PHIP: variants seen among roughly 807,000 people sequenced by gnomAD.
PHIP encodes the protein PHIP subunit of CUL4-Ring ligase complex.
Under a neutral mutation model 236.8 loss-of-function variants are expected in PHIP, and 54 were observed. That is an observed-to-expected ratio of 0.23 (90% CI 0.18 to 0.29). The LOEUF (loss-of-function observed/expected upper bound fraction) is 0.29, where lower values mean the gene tolerates loss of function less well. Among genes scored for constraint, PHIP ranks in the 10% least tolerant of loss-of-function variants. The pLI is 1.00. For synonymous variants in PHIP, 756 were observed against 718.9 expected (o/e 1.05, Z -0.83); for missense variants, 1,370 against 2,190.8 (o/e 0.63, Z 7.48).
At chr6:79,076,573 C>T (rs901987801) in intron 4 of PHIP, among the ~76,000 whole-genome samples, 2 of 152,150 alleles carry the variant, frequency 1.3e-5, no homozygotes, top group African/African-American at 2.4e-5. Context: ...TCCTAAAATA[C>T]TCATTTTGAC....
At chr6:78,958,866 G>A (rs1442323081) in intron 31 of PHIP, among the ~76,000 whole-genome samples, 2 of 152,046 alleles carry the variant, frequency 1.3e-5, no homozygotes, top group Admixed American at 6.6e-5. Flanking sequence ...GAGGGAGAAC[G>A]TCTATATGGG....
rs749769774 is a variant in PHIP at position 78,985,422 on chromosome 6, C to T, written c.2467G>A (p.Glu823Lys). Residue 823 changes from glutamate (E) to lysine (K), a missense_variant, in exon 22 of 40, where the codon GAA becomes AAA. By Grantham distance (56) the Glu-to-Lys change is moderately conservative. This residue lies in a region of PHIP where 99 missense variants were observed against 110.0 expected (regional missense o/e 0.90). Transcript: ENST00000275034. Reference protein sequence around the residue: ...ENGSSSSDEGEVVAVSGGTSE... With the variant: ...ENGSSSSDEGKVVAVSGGTSE... Reference sequence around the variant, plus strand: ...GTTCCACCACTGACAGCAACTACTTCGCCTTCCTAAGATATGTTGAATACA... The same window carrying T: ...GTTCCACCACTGACAGCAACTACTTTGCCTTCCTAAGATATGTTGAATACA... 1.1e-5 allele frequency: 18 copies of T among 1,569,126 alleles called. No individual in the cohort carries two copies. The highest frequency in any genetic ancestry group is 2.2e-5 in the East Asian group (1 of 44,694).
intron 16 of PHIP, among the ~76,000 whole-genome samples, chr6:79,002,330 G>A (rs993779036): frequency 6.6e-6 from 1 of 152,026 alleles, no homozygotes; most frequent in Admixed American, 6.6e-5. Context: ...AAAAGTAGCT[G>A]CTTTAAATTT....
At chr6:79,077,579 C>T (rs1209607130) in intron 3 of PHIP, 72 bp from the exon 4 acceptor site, 118 of 970,962 alleles carry the variant, frequency 1.2e-4, no homozygotes, top group Non-Finnish European at 1.3e-4. Context: ...CCGCCCGCCC[C>T]GCGCCCCGGC....
chr6:78,962,988 C>T, intron 30 of PHIP, 109 bp downstream of exon 30: 1 of 843,454 alleles, frequency 1.2e-6, no homozygotes. Flanking sequence ...TGTCTGAAAC[C>T]ACTGACTTAG....
At chr6:78,982,647 T>C (rs570606369) in intron 23 of PHIP, among the ~76,000 whole-genome samples, 25 of 152,276 alleles carry the variant, frequency 1.6e-4, no homozygotes, top group African/African-American at 6.0e-4. Context: ...TAAGGTTAAA[T>C]GTTCAATGTT....
In PHIP at chr6:78,961,949, G is replaced by A. The variant is rs2127698067; in HGVS notation, c.3536-139C>T. On this transcript the variant is annotated intron_variant, in intron 30 of 39. Transcript: ENST00000275034. ...CCACTGTCTTTTCATAAACAATATA[G>A]TGTAGCTGACATAAAGAGTCTCACT... 6 of 636,582 alleles carry A rather than the reference G, an allele frequency of 9.4e-6. 1 individual carries two copies. The South Asian group carries it at 1.2e-4, about 13-fold the overall frequency. 39.4% of individuals were successfully genotyped at this position (636,582 alleles called of 1,614,324 possible).
chr6:79,077,711 C>A lies in PHIP; in HGVS notation c.118G>T (p.Ala40Ser), dbSNP rs1774253042. 9.9e-7 allele frequency: 1 copy of A among 1,014,304 alleles called. No homozygotes were observed. Among genetic ancestry groups the A allele is most frequent in the South Asian group, 3.7e-5 (1 of 27,216 alleles). The allele number at this position is 1,014,304 out of a possible 1,614,324, so 62.8% of individuals were successfully genotyped here. A position where few individuals can be genotyped will look rare whatever the true frequency, so the allele number is the denominator to read the frequency against. The change falls in exon 3 of 40, where the codon GCC becomes TCC. Residue 40 changes from alanine (A) to serine (S), a missense_variant. By Grantham distance (99) the Ala-to-Ser change is moderately conservative. Coordinates refer to ENST00000275034, the MANE Select transcript of PHIP (RefSeq NM_017934.7). The part of the protein sequence containing the change: ...QAAQVLIREV[A>S]EKELLPRRTD... Reference sequence around the variant, plus strand: ...GCCGCCGCCCTTACCTCCTTCTCGGCCACCTCGCGGATCAGCACCTGCAAC... The same window carrying A: ...GCCGCCGCCCTTACCTCCTTCTCGGACACCTCGCGGATCAGCACCTGCAAC...
At chr6:79,001,752 G>T in intron 17 of PHIP, 147 bp downstream of exon 17, 1 of 598,116 alleles carries the variant, frequency 1.7e-6, no homozygotes, top group Non-Finnish European at 3.0e-6. Flanking sequence ...TAATCCTTAA[G>T]CATGATCAAA....
At position 78,982,867 on chromosome 6, in the gene PHIP, G is replaced by A. The variant is rs1768629960; in HGVS notation, c.2769+19C>T. The A allele has an allele frequency of 6.9e-7, 1 of 1,451,538 alleles. No homozygotes were observed. The highest frequency in any genetic ancestry group is 1.4e-5 in the African/African-American group (1 of 70,118). 89.9% of individuals were successfully genotyped at this position (1,451,538 alleles called of 1,614,324 possible). ...TGTTTCTCTAGAAAACACCAAATTT[G>A]TAATGTTAAAAACCAAACCTTTTGT... On this transcript the variant is annotated intron_variant, in intron 23 of 39. Coordinates refer to ENST00000275034, the MANE Select transcript of PHIP (RefSeq NM_017934.7).
chr6:79,078,017 C>T lies in PHIP; in HGVS notation c.40+12G>A. The T allele has an allele frequency of 6.2e-7, 1 of 1,608,774 alleles. No homozygotes were observed. The highest frequency in any genetic ancestry group is 8.5e-7 in the Non-Finnish European group (1 of 1,179,210). Reference sequence around the variant, plus strand: ...GCCCGGTGCCAGCGGCCCCGGCAGCCCCCCGACTTACCCGATCGCAGCTCC... The same window carrying T: ...GCCCGGTGCCAGCGGCCCCGGCAGCTCCCCGACTTACCCGATCGCAGCTCC... On this transcript the variant is annotated intron_variant, in intron 1 of 39. Coordinates refer to ENST00000275034, the MANE Select transcript of PHIP (RefSeq NM_017934.7).
chr6:78,948,412 A>C (rs142386187), intron 35 of PHIP, among the ~76,000 whole-genome samples: 1,813 of 152,332 alleles, frequency 0.012, 40 homozygotes, highest in African/African-American at 0.042. Context: ...AAACAGGAAG[A>C]GCAACAGAAA....
At chr6:78,954,791 A>G in intron 35 of PHIP, 23 bp downstream of exon 35, 1 of 1,533,278 alleles carries the variant, frequency 6.5e-7, no homozygotes, top group Non-Finnish European at 8.8e-7. Context: ...ACAGGTAAAG[A>G]AAATATTTTC....
chr6:79,047,320 T>C (rs1772549622), intron 6 of PHIP, among the ~76,000 whole-genome samples: 1 of 152,164 alleles, frequency 6.6e-6, no homozygotes, highest in South Asian at 2.1e-4. Flanking sequence ...ATAAGTCAAA[T>C]TCCCCCATAA....
intron 19 of PHIP, among the ~76,000 whole-genome samples, chr6:78,991,893 T>C (rs1769272113): frequency 6.6e-6 from 1 of 151,964 alleles, no homozygotes; most frequent in Non-Finnish European, 1.5e-5. Flanking sequence ...GCAATAATTA[T>C]AGATTAACAT....
intron 4 of PHIP, among the ~76,000 whole-genome samples, chr6:79,072,413 A>AT (rs1407740455): frequency 2.6e-5 from 4 of 151,926 alleles, no homozygotes; most frequent in Non-Finnish European, 5.9e-5. Context: ...GGTATTAAAC[A>AT]TTTTTCCTTT....
At chr6:79,049,216 C>G (rs1772665201) in intron 6 of PHIP, among the ~76,000 whole-genome samples, 1 of 152,068 alleles carries the variant, frequency 6.6e-6, no homozygotes, top group Non-Finnish European at 1.5e-5. Context: ...GTGTGCACCA[C>G]CATGCCTAAT....
chr6:78,938,530 GC>G lies in PHIP; in HGVS notation c.*2162del, dbSNP rs1403443146. ...GGAAATTACATATTTCAAATAGATT[GC>G]CTTCAAAAGCAACTAATTAATGACA... is the stretch of plus-strand genomic sequence containing the variant. On this transcript the variant is annotated 3_prime_UTR_variant, in exon 40 of 40. Coordinates refer to ENST00000275034, the MANE Select transcript of PHIP (RefSeq NM_017934.7). The G allele has an allele frequency of 6.6e-6, 1 of 151,368 alleles. No individual in the cohort carries two copies. The highest frequency in any genetic ancestry group is 1.5e-5 in the Non-Finnish European group (1 of 67,562). The allele number at this position is 151,368 out of a possible 1,614,324, so 9.4% of individuals were successfully genotyped here. A position where few individuals can be genotyped will look rare whatever the true frequency, so the allele number is the denominator to read the frequency against.
intron 4 of PHIP, among the ~76,000 whole-genome samples, chr6:79,070,213 G>A (rs1773813951): frequency 6.6e-6 from 1 of 152,170 alleles, no homozygotes; most frequent in African/African-American, 2.4e-5. Context: ...GCTAATTTGT[G>A]TAATTTTAAA....
Sources: gnomAD v4.1 joint callset for allele counts (sites outside exome capture counted in the v4.1 genomes callset) on GRCh38, gnomAD v4.1.1 for gene constraint, gnomAD v4.1.1 regional missense constraint, MANE v1.5 for transcripts, NCBI Gene and HGNC (gene_info 2026-07-23, HGNC 2026-07-21) for gene names.